DHRS9: variants seen among roughly 807,000 people sequenced by gnomAD.
DHRS9 encodes dehydrogenase/reductase 9, also known as dehydrogenase/reductase SDR family member 9.
In DHRS9, 18 loss-of-function variants were observed where a neutral mutation model predicts 26.6. The observed-to-expected ratio is 0.68, with a 90% CI of 0.47 to 1.00. The LOEUF is 1.00. Ranked by LOEUF, DHRS9 falls within the 50% of genes least tolerant of loss-of-function variation. The pLI, the probability that DHRS9 is intolerant of heterozygous loss-of-function variation, is 0.00. For missense variants in DHRS9, 425 were observed against 378.7 expected, an observed-to-expected ratio of 1.12 and a Z score of -1.01; for synonymous variants, 134 against 141.1, an observed-to-expected ratio of 0.95 and a Z score of 0.36.
intron 1 of DHRS9, among the ~76,000 whole-genome samples, chr2:169,080,011 AAG>A (rs1486272480): frequency 9.9e-6 from 1 of 100,546 alleles, no homozygotes; most frequent in Admixed American, 1.1e-4. Flanking sequence ...GAAAGAAAGA[AAG>A]AAAGAAAGAA....
At chr2:169,092,387 T>C (rs1206696826) in intron 4 of DHRS9, among the ~76,000 whole-genome samples, 1 of 152,224 alleles carries the variant, frequency 6.6e-6, no homozygotes, top group African/African-American at 2.4e-5. Context: ...TTATGGTGGT[T>C]ACAAAAGATG....
At chr2:169,077,786 G>A (rs556316558) in intron 1 of DHRS9, among the ~76,000 whole-genome samples, 1 of 152,204 alleles carries the variant, frequency 6.6e-6, no homozygotes, top group African/African-American at 2.4e-5. Flanking sequence ...TCATGCACAG[G>A]AACATGCATG....
chr2:169,069,519 T>C (rs1683738478), upstream of DHRS9: 1 of 985,334 alleles, frequency 1.0e-6, no homozygotes, highest in African/African-American at 1.7e-5. Context: ...TGGGAGTGAC[T>C]CACAGAGCAA....
At chr2:169,079,095 C>T (rs558625545) in intron 1 of DHRS9, among the ~76,000 whole-genome samples, 6 of 152,040 alleles carry the variant, frequency 3.9e-5, no homozygotes, top group South Asian at 2.1e-4. Context: ...GATCTGCCCC[C>T]CTCTGCCTCC....
intron 1 of DHRS9, chr2:169,074,193 G>T: frequency 1.2e-6 from 1 of 826,346 alleles, no homozygotes; most frequent in Non-Finnish European, 1.5e-6. Context: ...TACTGTAACG[G>T]CAGACATTAG....
chr2:169,070,862 A>G (rs1683780118), intron 1 of DHRS9: 1 of 492,008 alleles, frequency 2.0e-6, no homozygotes, highest in South Asian at 8.7e-5. Context: ...CAGGAGATCG[A>G]GACCATCCTG....
At chr2:169,068,182 T>C (rs150236676), upstream of DHRS9, among the ~76,000 whole-genome samples, 224 of 152,332 alleles carry the variant, frequency 1.5e-3, 1 homozygote, top group East Asian at 0.017. Context: ...ATTTATACCT[T>C]ACTTCATGTG....
chr2:169,084,389 A>C (rs1358192711), intron 3 of DHRS9, among the ~76,000 whole-genome samples: 2 of 152,046 alleles, frequency 1.3e-5, no homozygotes, highest in Non-Finnish European at 2.9e-5. Flanking sequence ...TGGTAGCTCA[A>C]TTTTTAGTTT....
chr2:169,070,655 T>G (rs1271453937), intron 1 of DHRS9: 2 of 984,118 alleles, frequency 2.0e-6, no homozygotes, highest in Non-Finnish European at 2.4e-6. Flanking sequence ...AGAACAAATT[T>G]CAATGTTTAA....
At chr2:169,076,200 G>T (rs28802390) in intron 1 of DHRS9, among the ~76,000 whole-genome samples, 66,095 of 152,030 alleles carry the variant, frequency 0.43, 17,422 homozygotes, top group African/African-American at 0.75. Context: ...ATTCATATCT[G>T]ATTTAATGAG....
At chr2:169,078,543 G>A (rs1421427275) in intron 1 of DHRS9, among the ~76,000 whole-genome samples, 1 of 152,150 alleles carries the variant, frequency 6.6e-6, no homozygotes, top group Non-Finnish European at 1.5e-5. Flanking sequence ...GTTTAAACAT[G>A]TAATTTTGCA....
Position 169,081,027 on chromosome 2 carries a change from A to G in DHRS9, c.-59-496A>G, listed in dbSNP as rs1684164591. The G allele has an allele frequency of 6.6e-6, 4 of 608,468 alleles. No homozygotes were observed. In the South Asian group the frequency reaches 2.9e-4, roughly 43 times the overall value. 37.7% of individuals were successfully genotyped at this position (608,468 alleles called of 1,614,324 possible). On this transcript the variant is annotated intron_variant, in intron 1 of 4. Coordinates refer to ENST00000674881, the MANE Select transcript of DHRS9 (RefSeq NM_001376924.1). ...GTTGGGAATATCTTAGTGGCAACAA[A>G]AAATGCTCTTCTTCTCCTGACAGTT...
intron 3 of DHRS9, among the ~76,000 whole-genome samples, chr2:169,090,103 T>A (rs561763776): frequency 1.3e-5 from 2 of 152,348 alleles, no homozygotes; most frequent in Middle Eastern, 3.4e-3. Context: ...CTTAAATGAA[T>A]CATGGAACTA....
chr2:169,080,847 T>C (rs530895359), intron 1 of DHRS9, among the ~76,000 whole-genome samples: 1 of 152,204 alleles, frequency 6.6e-6, no homozygotes, highest in Non-Finnish European at 1.5e-5. Context: ...TTGGCCAGCA[T>C]TTCCCTCTCA....
intron 4 of DHRS9, among the ~76,000 whole-genome samples, chr2:169,094,264 T>C (rs905061248): frequency 6.6e-6 from 1 of 152,226 alleles, no homozygotes; most frequent in Non-Finnish European, 1.5e-5. Context: ...TCTCTTCCCA[T>C]TTTTAATCAG....
chr2:169,078,946 TGCCTGATTCTCCA>T (rs904424561), intron 1 of DHRS9, among the ~76,000 whole-genome samples: 66 of 99,312 alleles, frequency 6.6e-4, no homozygotes, highest in Non-Finnish European at 1.0e-3. Context: ...CTGATTCTCC[TGCCTGATTCTCCA>T]GCCCTAGCCT....
chr2:169,069,929 T>TG (rs1683749224), intron 1 of DHRS9, among the ~76,000 whole-genome samples: 1 of 152,186 alleles, frequency 6.6e-6, no homozygotes, highest in South Asian at 2.1e-4. Context: ...GGATCTTGCC[T>TG]TGAACTCCTC....
intron 4 of DHRS9, among the ~76,000 whole-genome samples, chr2:169,092,978 C>T (rs1417025086): frequency 6.6e-6 from 1 of 152,094 alleles, no homozygotes; most frequent in African/African-American, 2.4e-5. Context: ...CCTGACCGTG[C>T]CATTTATGCT....
At chr2:169,078,036 C>T (rs1384075186) in intron 1 of DHRS9, among the ~76,000 whole-genome samples, 1 of 152,248 alleles carries the variant, frequency 6.6e-6, no homozygotes, top group African/African-American at 2.4e-5. Context: ...AGCTTGGACA[C>T]TTCTCAGCCC....
Sources: allele counts gnomAD v4.1 joint callset (sites outside exome capture counted in the v4.1 genomes callset), GRCh38; gene constraint gnomAD v4.1.1; transcripts MANE v1.5; gene names NCBI Gene and HGNC (gene_info 2026-07-23, HGNC 2026-07-21).